The following CSMD1 variants were observed in gnomAD, a reference collection of about 807,000 sequenced individuals.
CSMD1 encodes the protein CUB and Sushi multiple domains 1, also known as CUB and sushi domain-containing protein 1.
Under a neutral mutation model 417.5 loss-of-function variants are expected in CSMD1, and 213 were observed. That is an observed-to-expected ratio of 0.51 (90% CI 0.46 to 0.57). The LOEUF (loss-of-function observed/expected upper bound fraction) is 0.57. Ranked by LOEUF, CSMD1 falls within the 20% of genes least tolerant of loss-of-function variation. The pLI is 0.00. For missense variants in CSMD1, 6,923 were observed against 4,529.7 expected (o/e 1.53, Z -15.17); for synonymous variants, 2,862 against 1,736.8 (o/e 1.65, Z -16.11).
In CSMD1 at chr8:2,965,805, T is replaced by C; in HGVS notation, c.9250A>G (p.Arg3084Gly). Residue 3084 changes from arginine to glycine, a missense_variant, in exon 59 of 70, where the codon AGG becomes GGG. Transcript: ENST00000635120. ...SATIRCTKDG[R>G]WNPSKPVCKA... ...CAGACAGGTTTGCTCGGATTCCACC[T>C]GCCGTCTTTGGTACAGCGAATAGTG... is the stretch of plus-strand genomic sequence containing the variant. 2 of 1,609,814 alleles carry C rather than the reference T, an allele frequency of 1.2e-6. No individual in the cohort carries two copies. The highest frequency in any genetic ancestry group is 1.7e-6 in the Non-Finnish European group (2 of 1,178,022).
intron 10 of CSMD1, among the ~76,000 whole-genome samples, chr8:3,523,088 A>G (rs1422542303): frequency 6.6e-6 from 1 of 151,780 alleles, no homozygotes; most frequent in Non-Finnish European, 1.5e-5. Flanking sequence ...CTCTAACTCC[A>G]CATCCAATAT....
At chr8:3,246,337 G>T (rs1012803951) in intron 26 of CSMD1, among the ~76,000 whole-genome samples, 2 of 152,004 alleles carry the variant, frequency 1.3e-5, no homozygotes, top group Non-Finnish European at 2.9e-5. Context: ...CCTTTATCTG[G>T]TCTTTGCAAA....
chr8:3,832,653 A>T (rs77046875), intron 5 of CSMD1, among the ~76,000 whole-genome samples: 4 of 152,176 alleles, frequency 2.6e-5, no homozygotes, highest in Admixed American at 6.5e-5. Context: ...ACTTACAACG[A>T]AACTGAGATT....
At chr8:4,141,154 G>C (rs1197044271) in intron 3 of CSMD1, among the ~76,000 whole-genome samples, 1 of 151,110 alleles carries the variant, frequency 6.6e-6, no homozygotes, top group Non-Finnish European at 1.5e-5. Context: ...ATAAGTAACA[G>C]AACGTGTCTC....
At chr8:4,296,693 AG>A (rs1201904380) in intron 3 of CSMD1, among the ~76,000 whole-genome samples, 9 of 104,022 alleles carry the variant, frequency 8.7e-5, no homozygotes, top group African/African-American at 3.2e-4. Flanking sequence ...CACGAAAATA[AG>A]GGTTTTTTTT....
intron 3 of CSMD1, among the ~76,000 whole-genome samples, chr8:4,270,251 C>G (rs1048679376): frequency 6.6e-6 from 1 of 152,128 alleles, no homozygotes; most frequent in African/African-American, 2.4e-5. Context: ...ATGTCTCTTA[C>G]AAATAGTTCT....
chr8:3,291,758 T>C (rs1019474724), intron 25 of CSMD1, among the ~76,000 whole-genome samples: 2 of 152,180 alleles, frequency 1.3e-5, no homozygotes, highest in Non-Finnish European at 1.5e-5. Flanking sequence ...TCAGTTTTGT[T>C]GATCTGTCCA....
intron 37 of CSMD1, among the ~76,000 whole-genome samples, chr8:3,168,714 C>G (rs925908656): frequency 4.6e-5 from 7 of 151,664 alleles, no homozygotes; most frequent in African/African-American, 1.7e-4. Context: ...AGAAAAGAAA[C>G]TGTTTTATTT....
Position 4,389,113 on chromosome 8 carries a change from G to C in CSMD1, c.415+30840C>G, listed in dbSNP as rs773191012. Among the ~76,000 whole-genome samples, 138 of 152,156 alleles carry C rather than the reference G, an allele frequency of 9.1e-4. 2 individuals are homozygous for C. The highest frequency in any genetic ancestry group is 2.6e-4 in the Non-Finnish European group (18 of 68,024). ...AATGTTTCCAGTGAAAGTCTGTACA[G>C]AATGATAAATATTAAGTGTATCTGT... On this transcript the variant is annotated intron_variant, in intron 3 of 69. Coordinates refer to ENST00000635120, the MANE Select transcript of CSMD1 (RefSeq NM_033225.6).
intron 1 of CSMD1, among the ~76,000 whole-genome samples, chr8:4,653,118 C>G (rs1196331771): frequency 6.6e-6 from 1 of 152,052 alleles, no homozygotes; most frequent in Non-Finnish European, 1.5e-5. Context: ...TCTTTCCCAG[C>G]CACAGATTCA....
At chr8:4,072,842 T>C (rs1407679039) in intron 3 of CSMD1, among the ~76,000 whole-genome samples, 2 of 152,186 alleles carry the variant, frequency 1.3e-5, no homozygotes, top group Admixed American at 6.5e-5. Flanking sequence ...TCTTTTCCAC[T>C]ACAACAATTT....
chr8:4,761,846 T>C lies in CSMD1; in HGVS notation c.86-124288A>G, dbSNP rs146463022. ...CAAAATAGTACCATGCATCTATCTA[T>C]CTATCTATCTATCTATCTATCTATC... On this transcript the variant is annotated intron_variant, in intron 1 of 69. Coordinates refer to ENST00000635120, the MANE Select transcript of CSMD1 (RefSeq NM_033225.6). 9.4e-4 allele frequency among the ~76,000 whole-genome samples: 59 copies of C among 62,626 alleles called. No individual in the cohort carries two copies. The East Asian group carries it at 0.028, about 29-fold the overall frequency. 41.1% of individuals were successfully genotyped at this position (62,626 alleles called of 152,430 possible).
At chr8:3,458,945 C>A (rs1201936598) in intron 12 of CSMD1, among the ~76,000 whole-genome samples, 5 of 152,172 alleles carry the variant, frequency 3.3e-5, no homozygotes, top group African/African-American at 1.2e-4. Flanking sequence ...AATTTCCATC[C>A]CAGTGAGCTG....
At chr8:4,950,536 G>C (rs954831161) in intron 1 of CSMD1, among the ~76,000 whole-genome samples, 6 of 152,120 alleles carry the variant, frequency 3.9e-5, no homozygotes, top group African/African-American at 1.4e-4. Flanking sequence ...AAAAAAGTAA[G>C]TTGTTTTTAG....
chr8:4,780,880 C>A (rs1205907000), intron 1 of CSMD1, among the ~76,000 whole-genome samples: 1 of 152,180 alleles, frequency 6.6e-6, no homozygotes, highest in African/African-American at 2.4e-5. Flanking sequence ...TCATCCAGTT[C>A]ACTGAAAACG....
intron 23 of CSMD1, among the ~76,000 whole-genome samples, chr8:3,312,631 G>C (rs963183060): frequency 6.6e-6 from 1 of 152,160 alleles, no homozygotes; most frequent in South Asian, 2.1e-4. Context: ...TGGAATCACA[G>C]CCATCAATAC....
At chr8:4,197,964 T>G (rs1402050463) in intron 3 of CSMD1, among the ~76,000 whole-genome samples, 1 of 152,242 alleles carries the variant, frequency 6.6e-6, no homozygotes, top group African/African-American at 2.4e-5. Context: ...TTCATTGGCT[T>G]GACTCTGGGA....
rs182636524 is a variant in CSMD1, at chr8:4,760,484, T to G, written c.86-122926A>C. 1.8e-3 allele frequency among the ~76,000 whole-genome samples: 271 copies of G among 152,294 alleles called. 1 individual carries two copies. Among genetic ancestry groups the G allele is most frequent in the African/African-American group, 6.2e-3 (258 of 41,576 alleles). ...ATGCTACTGACTAATCCTGTGAGAA[T>G]TAAAACCCATTAATTTCCCAATCAA... On this transcript the variant is annotated intron_variant, in intron 1 of 69. Coordinates refer to ENST00000635120, the MANE Select transcript of CSMD1 (RefSeq NM_033225.6).
At chr8:3,448,431 G>C (rs1043116373) in intron 12 of CSMD1, among the ~76,000 whole-genome samples, 1 of 43,672 alleles carries the variant, frequency 2.3e-5, no homozygotes, top group Non-Finnish European at 4.4e-5. Flanking sequence ...AAGGAAGAAG[G>C]AGCAATGAAG....
Sources: gnomAD v4.1 joint callset for allele counts (sites outside exome capture counted in the v4.1 genomes callset) on GRCh38, gnomAD v4.1.1 for gene constraint, MANE v1.5 for transcripts, NCBI Gene and HGNC (gene_info 2026-07-23, HGNC 2026-07-21) for gene names.